The following POU2F3 variants were observed in gnomAD, a reference collection of about 807,000 sequenced individuals.
The protein encoded by POU2F3 is POU domain, class 2, transcription factor 3.
POU2F3 carries 23 observed loss-of-function variants against 59.2 expected under a neutral mutation model. The observed-to-expected ratio is 0.39, with a 90% CI of 0.28 to 0.55. POU2F3 has a LOEUF of 0.55. Among genes scored for constraint, POU2F3 ranks in the 20% least tolerant of loss-of-function variants. The pLI is 0.66. For synonymous variants in POU2F3, 190 were observed against 214.6 expected, an observed-to-expected ratio of 0.89 and a Z score of 1.00; for missense variants, 473 against 544.5, an observed-to-expected ratio of 0.87 and a Z score of 1.31.
intron 4 of POU2F3, among the ~76,000 whole-genome samples, chr11:120,298,747 A>G (rs1488438188): frequency 2.0e-5 from 3 of 152,092 alleles, no homozygotes; most frequent in African/African-American, 7.2e-5. Context: ...TGCCTCCCCT[A>G]AGGTTTTTTG....
Position 120,318,531 on chromosome 11 carries a change from T to C in POU2F3, c.*139T>C. 4.6e-6 allele frequency: 4 copies of C among 864,534 alleles called. No individual in the cohort carries two copies. Among genetic ancestry groups the C allele is most frequent in the Non-Finnish European group, 7.4e-6 (4 of 542,044 alleles). 53.6% of individuals were successfully genotyped at this position (864,534 alleles called of 1,614,324 possible). ...TATCAATGAACCCAGACTCTTGTCT[T>C]CTTCAAGAGCAAGGGCCTCCGGAGA... On this transcript the variant is annotated 3_prime_UTR_variant, in exon 13 of 13. Coordinates refer to ENST00000543440, the MANE Select transcript of POU2F3 (RefSeq NM_014352.4).
Position 120,319,204 on chromosome 11 carries a change from C to T in POU2F3, c.*812C>T, listed in dbSNP as rs1215474661. The stretch of plus-strand genomic sequence containing the variant: ...CAGCAGAAAAGGAAGAACACAAGAG[C>T]AAACACACAACAATGATGGTGGCAA... On this transcript the variant is annotated 3_prime_UTR_variant, in exon 13 of 13. Transcript: ENST00000543440. The T allele has an allele frequency of 3.9e-5, 6 of 152,610 alleles. No homozygotes were observed. Among genetic ancestry groups the T allele is most frequent in the Non-Finnish European group, 7.3e-5 (5 of 68,060 alleles). 9.5% of individuals were successfully genotyped at this position (152,610 alleles called of 1,614,324 possible). A position where few individuals can be genotyped will look rare whatever the true frequency, so the allele number is the denominator to read the frequency against.
chr11:120,315,244 AC>A, intron 10 of POU2F3, 116 bp from the exon 11 acceptor site: 1 of 936,266 alleles, frequency 1.1e-6, no homozygotes, highest in African/African-American at 1.6e-5. Flanking sequence ...CTAGGAAATC[AC>A]CAAGGAAGCC....
chr11:120,317,474 A>G lies in POU2F3; in HGVS notation c.1271+110A>G, dbSNP rs1053220623. On this transcript the variant is annotated intron_variant, in intron 12 of 12. Transcript: ENST00000543440. Reference sequence around the variant, plus strand: ...CTTGTCATAGAAAGGGTTGGAAAAGAGGAATGGGGTGGCACAGAGAGGACA... The same window carrying G: ...CTTGTCATAGAAAGGGTTGGAAAAGGGGAATGGGGTGGCACAGAGAGGACA... 2.0e-6 allele frequency: 3 copies of G among 1,464,836 alleles called. No homozygotes were observed. In the Admixed American group the frequency reaches 5.3e-5, roughly 26 times the overall value. The allele number at this position is 1,464,836 out of a possible 1,614,324, so 90.7% of individuals were successfully genotyped here. A position where few individuals can be genotyped will look rare whatever the true frequency, so the allele number is the denominator to read the frequency against.
rs59764889 is a variant in POU2F3, at chr11:120,307,659, A to C, written c.906+44A>C. The stretch of plus-strand genomic sequence containing the variant: ...TGGGCACGGGTGGGCTACCTCACAC[A>C]GGTAGGGAGAGCAGACACGGCCCAG... On this transcript the variant is annotated intron_variant, in intron 9 of 12. Transcript: ENST00000543440. 9.9e-6 allele frequency: 16 copies of C among 1,609,840 alleles called. No homozygotes were observed. In the African/African-American group the frequency reaches 2.0e-4, roughly 20 times the overall value.
intron 3 of POU2F3, among the ~76,000 whole-genome samples, chr11:120,290,806 A>G (rs1303934801): frequency 6.6e-6 from 1 of 152,170 alleles, no homozygotes; most frequent in Non-Finnish European, 1.5e-5. Context: ...GTTGGTGTGT[A>G]TATGTGTGTG....
chr11:120,267,962 T>C lies in POU2F3; in HGVS notation c.98-1248T>C, dbSNP rs546652480. Among the ~76,000 whole-genome samples, 7 of 152,162 alleles carry C rather than the reference T, an allele frequency of 4.6e-5. No individual in the cohort carries two copies. In the East Asian group the frequency reaches 7.8e-4, roughly 17 times the overall value. ...CGGCAGCTCCAGTCCTGGAGAGCTA[T>C]GTGAATAGGAAAAGCAATTTTCCTA... is the stretch of plus-strand genomic sequence containing the variant. On this transcript the variant is annotated intron_variant, in intron 2 of 12. Coordinates refer to ENST00000543440, the MANE Select transcript of POU2F3 (RefSeq NM_014352.4).
At chr11:120,276,089 C>G (rs1237609926) in intron 3 of POU2F3, among the ~76,000 whole-genome samples, 1 of 152,112 alleles carries the variant, frequency 6.6e-6, no homozygotes, top group Non-Finnish European at 1.5e-5. Flanking sequence ...AGTGCCAGGC[C>G]CTGGAGTTGG....
At chr11:120,240,652 G>C (rs983548396) in intron 1 of POU2F3, among the ~76,000 whole-genome samples, 3 of 152,154 alleles carry the variant, frequency 2.0e-5, no homozygotes, top group Non-Finnish European at 2.9e-5. Context: ...TGTATGGGAC[G>C]TGGGTGTACT....
intron 2 of POU2F3, among the ~76,000 whole-genome samples, chr11:120,250,913 G>A (rs1476951767): frequency 1.3e-5 from 2 of 151,862 alleles, no homozygotes; most frequent in Non-Finnish European, 2.9e-5. Context: ...GGAGGCAGAG[G>A]TTGCAGTGAG....
intron 3 of POU2F3, among the ~76,000 whole-genome samples, chr11:120,288,396 T>C (rs1940893197): frequency 6.6e-6 from 1 of 152,188 alleles, no homozygotes; most frequent in Non-Finnish European, 1.5e-5. Context: ...GCTTTGGAGC[T>C]TCAAGAGATA....
At chr11:120,276,904 T>A (rs1418492504) in intron 3 of POU2F3, among the ~76,000 whole-genome samples, 1 of 151,854 alleles carries the variant, frequency 6.6e-6, no homozygotes, top group Non-Finnish European at 1.5e-5. Flanking sequence ...TCCTAGCACT[T>A]TGGGAGGCCG....
chr11:120,317,337 A>T lies in POU2F3; in HGVS notation c.1244A>T (p.Asn415Ile). 6.2e-7 allele frequency: 1 copy of T among 1,614,112 alleles called. No individual in the cohort carries two copies. Residue 415 changes from asparagine (N) to isoleucine (I), a missense_variant, in exon 12 of 13, where the codon AAC (asparagine) becomes ATC (isoleucine). Transcript: ENST00000543440. ...ASQNNSKAAVNSASSFNSSGS... is the reference protein window; with the variant it reads ...ASQNNSKAAVISASSFNSSGS... Reference sequence around the variant, plus strand: ...CAAAATAACTCCAAAGCAGCAGTGAACTCCGCCTCCAGTTTTAACTCTTCA... The same window carrying T: ...CAAAATAACTCCAAAGCAGCAGTGATCTCCGCCTCCAGTTTTAACTCTTCA...
intron 10 of POU2F3, among the ~76,000 whole-genome samples, chr11:120,310,683 A>G (rs963403598): frequency 6.6e-6 from 1 of 152,156 alleles, no homozygotes. Flanking sequence ...TCAGTCTTTC[A>G]GCACTGTAAG....
rs564581576 is a variant in POU2F3, at chr11:120,315,568, T to G, written c.1135+141T>G. The stretch of plus-strand genomic sequence containing the variant: ...TAAAATCTGTGTTGGGAAAAAAGGG[T>G]TCTGTGATCAAATAAGTCTGGAAAA... On this transcript the variant is annotated intron_variant, in intron 11 of 12. Transcript: ENST00000543440. 17 of 801,046 alleles carry G rather than the reference T, an allele frequency of 2.1e-5. No homozygotes were observed. The African/African-American group carries it at 2.8e-4, about 13-fold the overall frequency. The allele number at this position is 801,046 out of a possible 1,614,324, so 49.6% of individuals were successfully genotyped here.
At chr11:120,293,883 AT>A (rs1941112661) in intron 3 of POU2F3, among the ~76,000 whole-genome samples, 1 of 152,094 alleles carries the variant, frequency 6.6e-6, no homozygotes, top group Non-Finnish European at 1.5e-5. Context: ...TGTGTGTAAT[AT>A]TTTTTGGTAG....
rs535016892 is a variant in POU2F3, at chr11:120,246,536, C to T, written c.97+19C>T. ...GAGCCAGGTAAGGGTCTTCTCTTCT[C>T]GGGGATGGAGGGGGTGGGGGGAAGA... On this transcript the variant is annotated intron_variant, in intron 2 of 12. Transcript: ENST00000543440. 21 of 1,561,592 alleles carry T rather than the reference C, an allele frequency of 1.3e-5. No homozygotes were observed. The East Asian group carries it at 2.3e-4, about 17-fold the overall frequency.
chr11:120,295,207 G>A (rs749516277), intron 3 of POU2F3, among the ~76,000 whole-genome samples: 1 of 152,216 alleles, frequency 6.6e-6, no homozygotes, highest in Non-Finnish European at 1.5e-5. Context: ...AGGAAGACCT[G>A]GCACAGATTC....
chr11:120,274,025 GA>G (rs5795222), intron 3 of POU2F3, among the ~76,000 whole-genome samples: 73,587 of 135,524 alleles, frequency 0.54, 23,731 homozygotes, highest in East Asian at 0.99. Context: ...CTCAAAAAAA[GA>G]AAAAAAAGAG....
Sources: allele counts gnomAD v4.1 joint callset (sites outside exome capture counted in the v4.1 genomes callset), GRCh38; gene constraint gnomAD v4.1.1; transcripts MANE v1.5; gene names NCBI Gene and HGNC (gene_info 2026-07-23, HGNC 2026-07-21).